FBXO4: variants seen among roughly 807,000 people sequenced by gnomAD.
The protein encoded by FBXO4 is F-box only protein 4.
Under a neutral mutation model 43.7 loss-of-function variants are expected in FBXO4, and 36 were observed. That is an observed-to-expected ratio of 0.82 (90% confidence interval 0.63 to 1.09). The LOEUF is 1.09. Ranked by LOEUF, FBXO4 falls within the 50% of genes least tolerant of loss-of-function variation. FBXO4 has a pLI of 0.00. For missense variants in FBXO4, 435 were observed against 474.1 expected (o/e 0.92, Z 0.77); for synonymous variants, 180 against 165.6 (o/e 1.09, Z -0.67).
the FBXO4 span, among the ~76,000 whole-genome samples, chr5:42,037,763 C>T: frequency 6.6e-6 from 1 of 152,058 alleles, no homozygotes. Context: ...TTTCAAGACC[C>T]GATGCTTTCA....
chr5:41,951,991 TCA>T, the FBXO4 span: 1 of 324,520 alleles, frequency 3.1e-6, no homozygotes, highest in East Asian at 8.9e-5. Context: ...GGGTTTCCAA[TCA>T]CAGCAATGAC....
At chr5:41,952,661 T>C in the FBXO4 span, among the ~76,000 whole-genome samples, 1 of 152,178 alleles carries the variant, frequency 6.6e-6, no homozygotes, top group African/African-American at 2.4e-5. Context: ...ACCACTAATA[T>C]AGTTTCTGTC....
chr5:41,953,476 T>G, the FBXO4 span, among the ~76,000 whole-genome samples: 1 of 152,366 alleles, frequency 6.6e-6, no homozygotes, highest in Admixed American at 6.5e-5. Context: ...CATGTCTTTA[T>G]AGCAGCATGA....
At chr5:41,942,737 C>T (rs990456056), downstream of FBXO4, among the ~76,000 whole-genome samples, 1 of 151,882 alleles carries the variant, frequency 6.6e-6, no homozygotes, top group African/African-American at 2.4e-5. Context: ...TCCTAATTAT[C>T]TTTGGATAGG....
the FBXO4 span, among the ~76,000 whole-genome samples, chr5:42,021,492 TA>T: frequency 3.6e-4 from 55 of 152,096 alleles, no homozygotes; most frequent in Admixed American, 3.5e-3. Context: ...AATTCTGTTT[TA>T]GGGGTGTTAA....
At chr5:41,990,627 AT>A in the FBXO4 span, among the ~76,000 whole-genome samples, 1 of 152,170 alleles carries the variant, frequency 6.6e-6, no homozygotes, top group Non-Finnish European at 1.5e-5. Flanking sequence ...AAGATTACAA[AT>A]TTTAGTTATT....
chr5:42,018,638 C>G, the FBXO4 span, among the ~76,000 whole-genome samples: 1 of 152,064 alleles, frequency 6.6e-6, no homozygotes, highest in African/African-American at 2.4e-5. Flanking sequence ...TTTTTACATG[C>G]TTTCTCAAAT....
the FBXO4 span, among the ~76,000 whole-genome samples, chr5:41,971,878 A>G: frequency 6.6e-6 from 1 of 152,116 alleles, no homozygotes; most frequent in African/African-American, 2.4e-5. Flanking sequence ...TTTCAAAAAC[A>G]TGCACATCTT....
the FBXO4 span, among the ~76,000 whole-genome samples, chr5:41,948,389 C>T: frequency 6.6e-6 from 1 of 152,178 alleles, no homozygotes; most frequent in Admixed American, 6.5e-5. Flanking sequence ...CCCATCTCGG[C>T]CTCCCAAAGT....
chr5:42,006,136 C>A, the FBXO4 span, among the ~76,000 whole-genome samples: 43 of 152,222 alleles, frequency 2.8e-4, no homozygotes, highest in South Asian at 3.3e-3. Flanking sequence ...GAAAGCACTG[C>A]CTGAGTTTTC....
At chr5:42,025,111 TG>T in the FBXO4 span, among the ~76,000 whole-genome samples, 17,979 of 151,620 alleles carry the variant, frequency 0.12, 1,426 homozygotes, top group African/African-American at 0.22. Context: ...TTTTTTGTTT[TG>T]TTTTTTTAGA....
chr5:42,030,119 A>T, the FBXO4 span, among the ~76,000 whole-genome samples: 1 of 152,248 alleles, frequency 6.6e-6, no homozygotes, highest in Admixed American at 6.5e-5. Flanking sequence ...TAAAGTTCAT[A>T]TGGAACCAAA....
the FBXO4 span, among the ~76,000 whole-genome samples, chr5:41,949,359 C>T: frequency 1.3e-5 from 2 of 152,336 alleles, no homozygotes; most frequent in African/African-American, 4.8e-5. Context: ...TGATAAGCAA[C>T]TTCAGCAAAG....
chr5:41,996,800 C>G, the FBXO4 span, among the ~76,000 whole-genome samples: 3 of 152,232 alleles, frequency 2.0e-5, no homozygotes, highest in Non-Finnish European at 4.4e-5. Flanking sequence ...AGGCCCCACA[C>G]CACTGGACCC....
chr5:41,935,095 A>C (rs1369423020), intron 5 of FBXO4: 1 of 985,152 alleles, frequency 1.0e-6, no homozygotes, highest in Non-Finnish European at 1.2e-6. Context: ...ATAAAAGATA[A>C]GTTCATTTAA....
the FBXO4 span, among the ~76,000 whole-genome samples, chr5:41,953,645 C>T: frequency 6.6e-6 from 1 of 151,410 alleles, no homozygotes; most frequent in Admixed American, 6.6e-5. Context: ...TCTCCACATC[C>T]TCTCCAGCAC....
At chr5:41,998,161 C>T in the FBXO4 span, among the ~76,000 whole-genome samples, 3 of 152,172 alleles carry the variant, frequency 2.0e-5, no homozygotes, top group African/African-American at 4.8e-5. Context: ...CTATGTCTAC[C>T]TTTCCTTTGA....
the FBXO4 span, among the ~76,000 whole-genome samples, chr5:42,009,888 T>A: frequency 6.6e-6 from 1 of 152,212 alleles, no homozygotes; most frequent in Non-Finnish European, 1.5e-5. Flanking sequence ...TTTTAAATCT[T>A]CCCAAACTAA....
the FBXO4 span, among the ~76,000 whole-genome samples, chr5:41,973,340 C>A: frequency 4.9e-3 from 745 of 152,170 alleles, 7 homozygotes; most frequent in African/African-American, 0.017. Flanking sequence ...CTAATCATTA[C>A]AGAAATGCAA....
Sources: allele counts gnomAD v4.1 joint callset (sites outside exome capture counted in the v4.1 genomes callset), GRCh38; gene constraint gnomAD v4.1.1; transcripts MANE v1.5; gene names NCBI Gene and HGNC (gene_info 2026-07-23, HGNC 2026-07-21).